The following CADM1 variants were observed in gnomAD, a reference collection of about 807,000 sequenced individuals.
CADM1 encodes the protein cell adhesion molecule 1, also known as TSLC-1.
A neutral mutation model predicts 53.1 loss-of-function variants in CADM1; 15 were observed. The ratio of observed to expected loss-of-function variants is 0.28; its 90% confidence interval spans 0.19 to 0.44. The LOEUF is 0.44. Among genes scored for constraint, CADM1 ranks in the 20% least tolerant of loss-of-function variants. The pLI is 1.00. For synonymous variants in CADM1, 281 were observed against 243.0 expected (o/e 1.16, Z -1.45); for missense variants, 434 against 611.3 (o/e 0.71, Z 3.06).
chr11:115,291,314 G>A (rs1015355350), intron 1 of CADM1, among the ~76,000 whole-genome samples: 1 of 152,122 alleles, frequency 6.6e-6, no homozygotes, highest in Non-Finnish European at 1.5e-5. Context: ...TCTTTCTCCA[G>A]AGGCTTTGTA....
intron 1 of CADM1, among the ~76,000 whole-genome samples, chr11:115,476,476 C>G (rs1476863973): frequency 6.6e-6 from 1 of 152,020 alleles, no homozygotes; most frequent in Non-Finnish European, 1.5e-5. Flanking sequence ...GGTGGAAACC[C>G]TTTGTTACTT....
intron 9 of CADM1, among the ~76,000 whole-genome samples, chr11:115,197,758 T>C (rs1184602941): frequency 2.0e-5 from 3 of 152,190 alleles, no homozygotes; most frequent in Non-Finnish European, 4.4e-5. Flanking sequence ...TGACACATGG[T>C]ATCATTCTTG....
intron 8 of CADM1, among the ~76,000 whole-genome samples, chr11:115,205,550 G>C (rs1465201829): frequency 1.3e-5 from 2 of 152,094 alleles, no homozygotes; most frequent in East Asian, 3.9e-4. Context: ...CTCTTACCCG[G>C]GGTAATGGCT....
rs573393403 is a variant in CADM1 at position 115,438,972 on chromosome 11, T to C, written c.124+65299A>G. On this transcript the variant is annotated intron_variant, in intron 1 of 11. Transcript: ENST00000331581. ...CTAGACTGCATTGATTTGTTGCATA[T>C]GTGGTTAAATCCTGTCAAGCAATCT... Among the ~76,000 whole-genome samples, 270 of 152,320 alleles carry C rather than the reference T, an allele frequency of 1.8e-3. 2 individuals are homozygous for C. Among genetic ancestry groups the C allele is most frequent in the Non-Finnish European group, 3.1e-3 (211 of 68,032 alleles).
intron 3 of CADM1, among the ~76,000 whole-genome samples, chr11:115,232,013 TAAC>T (rs1555045692): frequency 3.9e-4 from 57 of 146,974 alleles, no homozygotes; most frequent in East Asian, 1.2e-3. Flanking sequence ...ATAATAATAA[TAAC>T]AACAACAACA....
intron 6 of CADM1, among the ~76,000 whole-genome samples, chr11:115,215,973 A>C (rs910615105): frequency 1.3e-5 from 2 of 152,212 alleles, no homozygotes; most frequent in Non-Finnish European, 2.9e-5. Context: ...CTTTAATTAC[A>C]CATGGGTTTG....
chr11:115,377,046 T>C (rs545623446), intron 1 of CADM1: 10 of 152,296 alleles, frequency 6.6e-5, no homozygotes, highest in Admixed American at 2.0e-4. Flanking sequence ...GAAAGGGCAC[T>C]GCAATAATAC....
intron 1 of CADM1, among the ~76,000 whole-genome samples, chr11:115,252,118 A>G (rs866054349): frequency 6.6e-6 from 1 of 152,232 alleles, no homozygotes; most frequent in South Asian, 2.1e-4. Context: ...AGACCATCGC[A>G]CTTGGAAAAC....
intron 1 of CADM1, among the ~76,000 whole-genome samples, chr11:115,408,182 A>G (rs2135238305): frequency 6.6e-6 from 1 of 152,124 alleles, no homozygotes; most frequent in Non-Finnish European, 1.5e-5. Flanking sequence ...CAAAAGCCCC[A>G]CTCTTTCTTA....
intron 7 of CADM1, among the ~76,000 whole-genome samples, chr11:115,213,612 G>C (rs1204084543): frequency 6.6e-6 from 1 of 152,066 alleles, no homozygotes; most frequent in Non-Finnish European, 1.5e-5. Flanking sequence ...AAAGTACCCT[G>C]GTTCTAAGAC....
intron 1 of CADM1, among the ~76,000 whole-genome samples, chr11:115,267,678 C>CTTT (rs56712105): frequency 8.4e-5 from 11 of 131,302 alleles, no homozygotes; most frequent in Middle Eastern, 4.1e-3. Flanking sequence ...AAATTGCTTT[C>CTTT]TTTTTTTTTT....
At chr11:115,488,730 T>C (rs1447684518) in intron 1 of CADM1, among the ~76,000 whole-genome samples, 1 of 152,238 alleles carries the variant, frequency 6.6e-6, no homozygotes, top group African/African-American at 2.4e-5. Context: ...ATTAACTTTA[T>C]AAGCTTAACT....
intron 1 of CADM1, among the ~76,000 whole-genome samples, chr11:115,376,334 AG>A (rs1946436592): frequency 6.6e-6 from 1 of 152,196 alleles, no homozygotes; most frequent in South Asian, 2.1e-4. Context: ...ATAACATAAA[AG>A]GATATCCACC....
chr11:115,311,176 G>T (rs561914606), intron 1 of CADM1, among the ~76,000 whole-genome samples: 2 of 152,058 alleles, frequency 1.3e-5, no homozygotes, highest in East Asian at 3.9e-4. Flanking sequence ...GATTTCTGTC[G>T]AAATGAACTA....
At chr11:115,265,756 A>C (rs1943116153) in intron 1 of CADM1, among the ~76,000 whole-genome samples, 1 of 152,204 alleles carries the variant, frequency 6.6e-6, no homozygotes, top group Admixed American at 6.5e-5. Flanking sequence ...ATTTTGACTT[A>C]AAATATATGG....
At chr11:115,211,717 C>T (rs1940974867) in intron 7 of CADM1, among the ~76,000 whole-genome samples, 1 of 151,266 alleles carries the variant, frequency 6.6e-6, no homozygotes, top group South Asian at 2.1e-4. Flanking sequence ...TCTCAAACTC[C>T]TGACCTTGTG....
chr11:115,269,226 G>T (rs1943229749), intron 1 of CADM1, among the ~76,000 whole-genome samples: 1 of 152,098 alleles, frequency 6.6e-6, no homozygotes, highest in Non-Finnish European at 1.5e-5. Context: ...ACACATGGCA[G>T]GATAGAGGCC....
chr11:115,214,398 G>T (rs1941087819), intron 7 of CADM1: 1 of 589,122 alleles, frequency 1.7e-6, no homozygotes, highest in African/African-American at 1.9e-5. Flanking sequence ...CTGTGATCTA[G>T]TAGAAACACC....
At chr11:115,344,372 G>T (rs538116996) in intron 1 of CADM1, among the ~76,000 whole-genome samples, 2 of 152,056 alleles carry the variant, frequency 1.3e-5, no homozygotes, top group South Asian at 2.1e-4. Context: ...AGTCCGGTCC[G>T]CCAGGCTTAA....
Sources: allele counts gnomAD v4.1 joint callset (sites outside exome capture counted in the v4.1 genomes callset), GRCh38; gene constraint gnomAD v4.1.1; transcripts MANE v1.5; gene names NCBI Gene and HGNC (gene_info 2026-07-23, HGNC 2026-07-21).